The following SPAG16 variants were observed in gnomAD, a reference collection of about 807,000 sequenced individuals.
The protein encoded by SPAG16 is sperm associated antigen 16.
In SPAG16, 86 loss-of-function variants were observed where a neutral mutation model predicts 80.4. The ratio of observed to expected loss-of-function variants is 1.07; its 90% confidence interval spans 0.90 to 1.28. The LOEUF is 1.28. Ranked by LOEUF, SPAG16 falls within the 50% of genes most tolerant of loss-of-function variation. The pLI is 0.00. For synonymous variants in SPAG16, 294 were observed against 265.9 expected (o/e 1.11, Z -1.03); for missense variants, 870 against 765.3 (o/e 1.14, Z -1.61).
chr2:214,008,431 T>A (rs903486350), intron 12 of SPAG16, among the ~76,000 whole-genome samples: 1 of 151,904 alleles, frequency 6.6e-6, no homozygotes, highest in Non-Finnish European at 1.5e-5. Flanking sequence ...TATGTACATA[T>A]GTAGCATTTA....
intron 15 of SPAG16, among the ~76,000 whole-genome samples, chr2:214,159,758 G>GA (rs547282885): frequency 1.3e-5 from 2 of 151,730 alleles, no homozygotes; most frequent in African/African-American, 4.8e-5. Context: ...ATCACCAATA[G>GA]AAAAAATAAT....
At chr2:213,592,556 A>C (rs2060735200) in intron 10 of SPAG16, among the ~76,000 whole-genome samples, 1 of 152,220 alleles carries the variant, frequency 6.6e-6, no homozygotes, top group African/African-American at 2.4e-5. Context: ...ATATCTAAAA[A>C]ACATCCCGCA....
intron 10 of SPAG16, among the ~76,000 whole-genome samples, chr2:213,634,229 T>G (rs1352350337): frequency 3.3e-5 from 5 of 152,158 alleles, no homozygotes; most frequent in African/African-American, 1.2e-4. Flanking sequence ...AATACTATCT[T>G]ATAACCCATT....
intron 10 of SPAG16, among the ~76,000 whole-genome samples, chr2:213,535,120 C>A (rs901658542): frequency 2.0e-5 from 3 of 151,874 alleles, no homozygotes; most frequent in South Asian, 2.1e-4. Flanking sequence ...TGGCAAAAAT[C>A]AAAAATGTTT....
At chr2:214,354,084 A>AAT (rs547331226) in intron 15 of SPAG16, among the ~76,000 whole-genome samples, 3 of 151,018 alleles carry the variant, frequency 2.0e-5, no homozygotes, top group East Asian at 3.9e-4. Flanking sequence ...GTACCCCATA[A>AAT]ATATATATAT....
intron 10 of SPAG16, among the ~76,000 whole-genome samples, chr2:213,727,888 G>T (rs1039945633): frequency 1.3e-5 from 2 of 151,810 alleles, no homozygotes; most frequent in African/African-American, 2.4e-5. Context: ...CACTCTTGTC[G>T]CCCAGGTTGG....
At chr2:214,259,419 A>ATG (rs971031146) in intron 15 of SPAG16, among the ~76,000 whole-genome samples, 58 of 147,762 alleles carry the variant, frequency 3.9e-4, no homozygotes, top group Middle Eastern at 3.5e-3. Flanking sequence ...ATATGTATAT[A>ATG]TGTGTGTGTA....
chr2:213,896,637 A>G lies in SPAG16; in HGVS notation c.1215-33323A>G, dbSNP rs1204625613. ...ACACATAGATATGTACATATATATG[A>G]TATTCTATTATGTGTGTGTTTATAT... On this transcript the variant is annotated intron_variant, in intron 11 of 15. Coordinates refer to ENST00000331683, the MANE Select transcript of SPAG16 (RefSeq NM_024532.5). Among the ~76,000 whole-genome samples, 3 of 135,346 alleles carry G rather than the reference A, an allele frequency of 2.2e-5. No individual in the cohort carries two copies. The East Asian group carries it at 7.0e-4, about 32-fold the overall frequency. 88.8% of individuals were successfully genotyped at this position (135,346 alleles called of 152,430 possible). A position where few individuals can be genotyped will look rare whatever the true frequency, so the allele number is the denominator to read the frequency against.
At chr2:214,212,729 T>C (rs1014907821) in intron 15 of SPAG16, among the ~76,000 whole-genome samples, 2 of 152,224 alleles carry the variant, frequency 1.3e-5, no homozygotes, top group Non-Finnish European at 2.9e-5. Context: ...ATCCCTTCGA[T>C]AGATGAACCA....
At chr2:214,211,009 T>C (rs889906059) in intron 15 of SPAG16, among the ~76,000 whole-genome samples, 9 of 152,232 alleles carry the variant, frequency 5.9e-5, no homozygotes, top group Non-Finnish European at 8.8e-5. Context: ...ATGAACGTTA[T>C]GCACCATGTC....
intron 10 of SPAG16, among the ~76,000 whole-genome samples, chr2:213,641,331 C>T (rs529898300): frequency 7.2e-5 from 11 of 152,316 alleles, no homozygotes; most frequent in South Asian, 4.1e-4. Flanking sequence ...TCCAGGCCTC[C>T]GGCACACAGG....
At chr2:213,486,047 C>A (rs1024140739) in intron 9 of SPAG16, among the ~76,000 whole-genome samples, 1 of 152,020 alleles carries the variant, frequency 6.6e-6, no homozygotes, top group East Asian at 1.9e-4. Context: ...GTACCCATCA[C>A]CTTAAATGTT....
At chr2:213,346,022 G>A (rs539818514) in intron 6 of SPAG16, among the ~76,000 whole-genome samples, 8 of 152,280 alleles carry the variant, frequency 5.3e-5, no homozygotes, top group African/African-American at 1.4e-4. Context: ...AGCATGGAAT[G>A]TTCTTCCATT....
chr2:214,039,682 T>A (rs1485214871), intron 13 of SPAG16, among the ~76,000 whole-genome samples: 2 of 152,258 alleles, frequency 1.3e-5, no homozygotes, highest in Non-Finnish European at 2.9e-5. Flanking sequence ...ACCACTTAAC[T>A]GGCTATAAAA....
chr2:213,594,060 C>T (rs992665977), intron 10 of SPAG16, among the ~76,000 whole-genome samples: 2 of 152,018 alleles, frequency 1.3e-5, no homozygotes, highest in Admixed American at 6.5e-5. Flanking sequence ...CAGGCGTGAG[C>T]CACCGCGCCC....
intron 10 of SPAG16, among the ~76,000 whole-genome samples, chr2:213,583,368 G>T (rs1459462232): frequency 1.3e-5 from 2 of 152,114 alleles, no homozygotes; most frequent in Non-Finnish European, 2.9e-5. Context: ...ACATTGGTTG[G>T]CAATTTTCCT....
chr2:213,835,824 CTTTAT>C (rs1375067092), intron 10 of SPAG16, among the ~76,000 whole-genome samples: 4 of 152,014 alleles, frequency 2.6e-5, no homozygotes, highest in African/African-American at 9.7e-5. Flanking sequence ...CCAATTTGTA[CTTTAT>C]TTTAATATCA....
chr2:214,368,242 GTTC>G (rs1699607108), intron 15 of SPAG16, among the ~76,000 whole-genome samples: 1 of 151,990 alleles, frequency 6.6e-6, no homozygotes, highest in Non-Finnish European at 1.5e-5. Flanking sequence ...GATATCCCAT[GTTC>G]TTCTTTACTC....
intron 12 of SPAG16, among the ~76,000 whole-genome samples, chr2:213,952,455 A>G (rs532252980): frequency 6.6e-6 from 1 of 152,212 alleles, no homozygotes; most frequent in Non-Finnish European, 1.5e-5. Context: ...AATTAGATCA[A>G]CATTGAAAAA....
Sources: gnomAD v4.1 joint callset for allele counts (sites outside exome capture counted in the v4.1 genomes callset) on GRCh38, gnomAD v4.1.1 for gene constraint, MANE v1.5 for transcripts, NCBI Gene and HGNC (gene_info 2026-07-23, HGNC 2026-07-21) for gene names.